The following NLGN1 variants were observed in gnomAD, a reference collection of about 807,000 sequenced individuals.
The protein encoded by NLGN1 is neuroligin 1, also known as neuroligin-1.
Under a neutral mutation model 65.5 loss-of-function variants are expected in NLGN1, and 12 were observed. The ratio of observed to expected loss-of-function variants is 0.18; its 90% CI spans 0.12 to 0.30. The LOEUF is 0.30. Ranked by LOEUF, NLGN1 falls within the 10% of genes least tolerant of loss-of-function variation. NLGN1 has a pLI of 1.00. For missense variants in NLGN1, 750 were observed against 1,007.1 expected, an observed-to-expected ratio of 0.74 and a Z score of 3.46; for synonymous variants, 350 against 359.5, an observed-to-expected ratio of 0.97 and a Z score of 0.30.
chr3:173,695,024 A>G (rs1766005441), intron 3 of NLGN1, among the ~76,000 whole-genome samples: 1 of 152,182 alleles, frequency 6.6e-6, no homozygotes, highest in African/African-American at 2.4e-5. Context: ...GACTTTCAGT[A>G]TCTGAGGCTT....
chr3:173,926,101 T>C (rs1485033410), intron 4 of NLGN1, among the ~76,000 whole-genome samples: 4 of 151,990 alleles, frequency 2.6e-5, no homozygotes, highest in Non-Finnish European at 5.9e-5. Context: ...TGAAATACAT[T>C]TAGATTTTCA....
intron 2 of NLGN1, among the ~76,000 whole-genome samples, chr3:173,473,005 A>G (rs1216490276): frequency 6.6e-6 from 1 of 152,188 alleles, no homozygotes; most frequent in Admixed American, 6.6e-5. Context: ...TTATTTCACA[A>G]AAGATAAATA....
intron 4 of NLGN1, among the ~76,000 whole-genome samples, chr3:174,003,312 A>G (rs1396034852): frequency 6.6e-6 from 1 of 152,152 alleles, no homozygotes; most frequent in Non-Finnish European, 1.5e-5. Flanking sequence ...TTTGAATTTA[A>G]TTGATAGCTT....
intron 1 of NLGN1, among the ~76,000 whole-genome samples, chr3:173,416,195 A>G (rs1365527423): frequency 6.6e-6 from 1 of 152,214 alleles, no homozygotes; most frequent in African/African-American, 2.4e-5. Context: ...CAAAGGAGTG[A>G]GCATAGATGC....
At chr3:174,070,489 G>A (rs1287884096) in intron 4 of NLGN1, among the ~76,000 whole-genome samples, 5 of 151,732 alleles carry the variant, frequency 3.3e-5, no homozygotes, top group African/African-American at 4.8e-5. Context: ...CAGCCACCGC[G>A]CCTGACTAAT....
intron 4 of NLGN1, among the ~76,000 whole-genome samples, chr3:173,902,732 G>A (rs1737598054): frequency 6.6e-6 from 1 of 152,002 alleles, no homozygotes; most frequent in South Asian, 2.1e-4. Flanking sequence ...TTATTTCTGG[G>A]CCAAGAGAGA....
chr3:174,106,353 A>C (rs1326284580), intron 4 of NLGN1, among the ~76,000 whole-genome samples: 1 of 152,072 alleles, frequency 6.6e-6, no homozygotes, highest in Admixed American at 6.6e-5. Flanking sequence ...AGATTTTTTA[A>C]TCTGATCTTT....
chr3:173,625,906 A>T (rs1211353574), intron 3 of NLGN1, among the ~76,000 whole-genome samples: 3 of 152,106 alleles, frequency 2.0e-5, no homozygotes, highest in East Asian at 3.8e-4. Context: ...ACTTTGTTAC[A>T]CTATAAAAGA....
chr3:174,071,484 C>T (rs191974832), intron 4 of NLGN1, among the ~76,000 whole-genome samples: 3 of 152,140 alleles, frequency 2.0e-5, no homozygotes, highest in East Asian at 1.9e-4. Flanking sequence ...CTGTTCAACA[C>T]CAGCCTGAGG....
At position 173,581,688 on chromosome 3, in the gene NLGN1, T is replaced by C. The variant is rs560194735; in HGVS notation, c.-320-22591T>C. 1.7e-3 allele frequency among the ~76,000 whole-genome samples: 265 copies of C among 152,046 alleles called. 1 individual carries two copies. Among genetic ancestry groups the C allele is most frequent in the Non-Finnish European group, 2.7e-3 (182 of 67,832 alleles). On this transcript the variant is annotated intron_variant, in intron 2 of 6. Coordinates refer to ENST00000457714, the Ensembl canonical transcript of NLGN1. ...TTCTTAGAAATATTTAGTAGTACAG[T>C]TTTTTAAAAAAATCTCCATATAAAA...
chr3:174,223,499 T>C (rs1293684577), intron 4 of NLGN1, among the ~76,000 whole-genome samples: 1 of 152,142 alleles, frequency 6.6e-6, no homozygotes, highest in Non-Finnish European at 1.5e-5. Flanking sequence ...TTCTCTAGCA[T>C]TTATTTCCTT....
chr3:174,002,916 T>C (rs1044062326), intron 4 of NLGN1, among the ~76,000 whole-genome samples: 12 of 152,204 alleles, frequency 7.9e-5, no homozygotes, highest in African/African-American at 2.4e-4. Flanking sequence ...CAGGATAAAG[T>C]CGTGAGTAGT....
intron 3 of NLGN1, among the ~76,000 whole-genome samples, chr3:173,725,960 T>G (rs1771695389): frequency 6.6e-6 from 1 of 152,118 alleles, no homozygotes; most frequent in Admixed American, 6.6e-5. Context: ...GCTCACCTAC[T>G]TCTTCAAGGA....
chr3:173,521,610 T>C (rs1229196069), intron 2 of NLGN1, among the ~76,000 whole-genome samples: 2 of 152,184 alleles, frequency 1.3e-5, no homozygotes, highest in South Asian at 2.1e-4. Context: ...TCTGCTCCCA[T>C]AGAAAGTTTG....
chr3:173,861,138 CAT>C (rs1383188722), intron 4 of NLGN1, among the ~76,000 whole-genome samples: 1 of 152,012 alleles, frequency 6.6e-6, no homozygotes, highest in Non-Finnish European at 1.5e-5. Context: ...AAGACTTTAT[CAT>C]ATTTCAAAAT....
rs150882870 is a variant in NLGN1, at chr3:174,109,001, G to A, written c.647-166314G>A. Among the ~76,000 whole-genome samples, 741 of 151,906 alleles carry A rather than the reference G, an allele frequency of 4.9e-3. 7 individuals are homozygous for A. Among genetic ancestry groups the A allele is most frequent in the African/African-American group, 0.017 (689 of 41,444 alleles). ...GGTTTTTTATAAATGTGAATATTAG[G>A]TATATTTATACAGCAAAAACTGCCC... On this transcript the variant is annotated intron_variant, in intron 4 of 6. Coordinates refer to ENST00000457714, the Ensembl canonical transcript of NLGN1.
chr3:174,264,622 G>T (rs889565759), intron 4 of NLGN1, among the ~76,000 whole-genome samples: 2 of 149,694 alleles, frequency 1.3e-5, no homozygotes, highest in African/African-American at 4.9e-5. Flanking sequence ...TTTGCCTTTG[G>T]TTTGAATGTC....
At chr3:173,643,870 A>G (rs1281879927) in intron 3 of NLGN1, among the ~76,000 whole-genome samples, 1 of 152,150 alleles carries the variant, frequency 6.6e-6, no homozygotes, top group Non-Finnish European at 1.5e-5. Flanking sequence ...GCACTGGTAC[A>G]GGTGTGTGCC....
intron 4 of NLGN1, among the ~76,000 whole-genome samples, chr3:173,922,588 C>G (rs1337847461): frequency 2.0e-5 from 3 of 151,860 alleles, no homozygotes; most frequent in Non-Finnish European, 2.9e-5. Flanking sequence ...TTTTTTCAAG[C>G]TGGTTATTTA....
Sources: allele counts gnomAD v4.1 joint callset (sites outside exome capture counted in the v4.1 genomes callset), GRCh38; gene constraint gnomAD v4.1.1; transcripts MANE v1.5; gene names NCBI Gene and HGNC (gene_info 2026-07-23, HGNC 2026-07-21).